The following SMOC2 variants were observed in gnomAD, a reference collection of about 807,000 sequenced individuals.
SMOC2 encodes SPARC related modular calcium binding 2, also known as SPARC-related modular calcium-binding protein 2.
Under a neutral mutation model 61.4 loss-of-function variants are expected in SMOC2, and 39 were observed. That is an observed-to-expected ratio of 0.64 (90% CI 0.49 to 0.83). The LOEUF (loss-of-function observed/expected upper bound fraction) is 0.83. Ranked by LOEUF, SMOC2 falls within the 40% of genes least tolerant of loss-of-function variation. The pLI, the probability that SMOC2 is intolerant of heterozygous loss-of-function variation, is 0.00. For missense variants in SMOC2, 556 were observed against 592.9 expected, an observed-to-expected ratio of 0.94 and a Z score of 0.65; for synonymous variants, 247 against 239.9, an observed-to-expected ratio of 1.03 and a Z score of -0.27.
At chr6:168,552,607 G>C (rs1476902494) in intron 7 of SMOC2, among the ~76,000 whole-genome samples, 1 of 152,342 alleles carries the variant, frequency 6.6e-6, no homozygotes, top group East Asian at 1.9e-4. Context: ...ACACTAGCAA[G>C]ATGTGGTCAC....
At chr6:168,659,823 A>G (rs62423444) in intron 11 of SMOC2, among the ~76,000 whole-genome samples, 134,217 of 142,772 alleles carry the variant, frequency 0.94, 62,921 homozygotes, top group African/African-American at 0.98. Context: ...GGTGAGGGTG[A>G]AGGTTGTTGA....
chr6:168,494,543 A>G (rs768961645), intron 1 of SMOC2, among the ~76,000 whole-genome samples: 7 of 152,342 alleles, frequency 4.6e-5, no homozygotes, highest in African/African-American at 7.2e-5. Context: ...ATTTTCTTCT[A>G]TGCATTTTCA....
chr6:168,621,248 T>C (rs961318048), intron 9 of SMOC2, among the ~76,000 whole-genome samples: 1 of 152,244 alleles, frequency 6.6e-6, no homozygotes, highest in African/African-American at 2.4e-5. Flanking sequence ...TTTGAGTTTC[T>C]GTCCTATTTA....
intron 1 of SMOC2, among the ~76,000 whole-genome samples, chr6:168,486,106 C>T (rs1042187438): frequency 3.3e-5 from 5 of 152,198 alleles, no homozygotes; most frequent in African/African-American, 1.2e-4. Flanking sequence ...CTACTTCTTA[C>T]TGTGGGGACT....
At position 168,592,575 on chromosome 6, in the gene SMOC2, CG is replaced by C. The variant is rs1249653504; in HGVS notation, c.638-6242del. The stretch of plus-strand genomic sequence containing the variant: ...GCTCCTCCTCCTTCCTGAGGCCTCA[CG>C]AGGGGCATCTTTCTAGAGGATCGCG... On this transcript the variant is annotated intron_variant, in intron 7 of 12. Coordinates refer to ENST00000356284, the MANE Select transcript of SMOC2 (RefSeq NM_001166412.2). Among the ~76,000 whole-genome samples, 73 of 78,136 alleles carry C rather than the reference CG, an allele frequency of 9.3e-4. 9 individuals are homozygous for C. The highest frequency in any genetic ancestry group is 1.3e-3 in the Non-Finnish European group (51 of 37,934). 51.3% of individuals were successfully genotyped at this position (78,136 alleles called of 152,430 possible).
At chr6:168,466,622 C>T (rs148941768) in intron 1 of SMOC2, among the ~76,000 whole-genome samples, 1 of 152,344 alleles carries the variant, frequency 6.6e-6, no homozygotes, top group African/African-American at 2.4e-5. Flanking sequence ...AGAAAAACAG[C>T]ATATTTGTCA....
At chr6:168,595,195 G>GGGCATCTTTCT (rs1562369292) in intron 7 of SMOC2, among the ~76,000 whole-genome samples, 1 of 10,032 alleles carries the variant, frequency 1.0e-4, no homozygotes, top group Admixed American at 1.5e-3. Context: ...GAGGCCTCAC[G>GGGCATCTTTCT]AGGGGCATCT....
In SMOC2 at chr6:168,452,576, C is replaced by A. The variant is rs181681005; in HGVS notation, c.84+11122C>A. 6.6e-6 allele frequency among the ~76,000 whole-genome samples: 1 copy of A among 152,260 alleles called. No individual in the cohort carries two copies. Among genetic ancestry groups the A allele is most frequent in the African/African-American group, 2.4e-5 (1 of 41,530 alleles). On this transcript the variant is annotated intron_variant, in intron 1 of 12. Transcript: ENST00000356284. This position sits in a 1 kb window ranked among gnomAD's most constrained non-coding sequence, Gnocchi z 5.0. ...ATGTGATTTTCATGAGGGATTTTAA[C>A]CCAAAAGAACAATAAGTGCAGCAAA...
chr6:168,492,953 C>G (rs1183909166), intron 1 of SMOC2, among the ~76,000 whole-genome samples: 1 of 152,198 alleles, frequency 6.6e-6, no homozygotes, highest in Non-Finnish European at 1.5e-5. Context: ...CTTGAGCTCT[C>G]CATACATTGT....
rs1562380381 is a variant in SMOC2, at chr6:168,610,970, GCC to G, written c.907+2733_907+2734del. 3.3e-5 allele frequency among the ~76,000 whole-genome samples: 5 copies of G among 151,532 alleles called. No homozygotes were observed. The East Asian group carries it at 9.8e-4, about 30-fold the overall frequency. On this transcript the variant is annotated intron_variant, in intron 9 of 12. Transcript: ENST00000356284. ...TCCTAAACCAGATCTTCTTAAACCA[GCC>G]CTTCCTAAACCACACCTTCTTCTTG...
At chr6:168,511,176 A>G (rs868737068) in intron 2 of SMOC2, among the ~76,000 whole-genome samples, 1 of 152,218 alleles carries the variant, frequency 6.6e-6, no homozygotes, top group African/African-American at 2.4e-5. Context: ...ACACTCTATG[A>G]TGTTCACACA....
intron 1 of SMOC2, among the ~76,000 whole-genome samples, chr6:168,465,846 A>T (rs1781819512): frequency 8.0e-6 from 1 of 124,906 alleles, no homozygotes; most frequent in Non-Finnish European, 1.6e-5. Context: ...GGGGCTCTGG[A>T]TGAAGCGACG....
chr6:168,598,634 C>T (rs919548626), intron 7 of SMOC2, among the ~76,000 whole-genome samples, 184 bp from the exon 8 acceptor site: 2 of 152,156 alleles, frequency 1.3e-5, no homozygotes, highest in South Asian at 2.1e-4. Context: ...TGCGAGGCTG[C>T]GGGAACTGGA....
chr6:168,525,957 G>T (rs11965737), intron 2 of SMOC2, among the ~76,000 whole-genome samples: 1 of 152,094 alleles, frequency 6.6e-6, no homozygotes, highest in East Asian at 1.9e-4. Flanking sequence ...TCAGGTGGTC[G>T]TCCTTGGATC....
At chr6:168,633,744 G>A (rs955970248) in intron 9 of SMOC2, among the ~76,000 whole-genome samples, 2 of 152,134 alleles carry the variant, frequency 1.3e-5, no homozygotes, top group Non-Finnish European at 2.9e-5. Flanking sequence ...TGTCATTTTG[G>A]GTTTAAGTTG....
At chr6:168,509,783 T>G (rs1583066749) in intron 1 of SMOC2, 132 bp from the exon 2 acceptor site, 4 of 744,786 alleles carry the variant, frequency 5.4e-6, no homozygotes, top group Admixed American at 3.1e-5. Context: ...CTGGCAGGGG[T>G]GAGAACCGGG....
intron 2 of SMOC2, among the ~76,000 whole-genome samples, chr6:168,523,639 T>A (rs1354690168): frequency 6.6e-6 from 1 of 151,958 alleles, no homozygotes; most frequent in Non-Finnish European, 1.5e-5. Flanking sequence ...GACCTCGTGA[T>A]GCGCCCACCT....
intron 9 of SMOC2, among the ~76,000 whole-genome samples, chr6:168,639,842 A>G (rs996305379): frequency 6.6e-6 from 1 of 152,204 alleles, no homozygotes; most frequent in Non-Finnish European, 1.5e-5. Context: ...AGAATGGCCC[A>G]GTTGCCGGTC....
intron 9 of SMOC2, among the ~76,000 whole-genome samples, chr6:168,648,940 G>A (rs1242723305): frequency 1.3e-5 from 2 of 152,206 alleles, no homozygotes; most frequent in African/African-American, 4.8e-5. Flanking sequence ...CCACACCACG[G>A]CCACATGGTC....
Sources: allele counts gnomAD v4.1 joint callset (sites outside exome capture counted in the v4.1 genomes callset), GRCh38; gene constraint gnomAD v4.1.1; non-coding constraint Gnocchi (gnomAD v3.1); transcripts MANE v1.5; gene names NCBI Gene and HGNC (gene_info 2026-07-23, HGNC 2026-07-21).